MCTP1: variants seen among roughly 807,000 people sequenced by gnomAD.
The protein encoded by MCTP1 is multiple C2 and transmembrane domain containing 1, also known as multiple C2 and transmembrane domain-containing protein 1.
In MCTP1, 69 loss-of-function variants were observed where a neutral mutation model predicts 120.6. That is an observed-to-expected ratio of 0.57 (90% CI 0.47 to 0.70). The LOEUF is 0.70. Ranked by LOEUF, MCTP1 falls within the 30% of genes least tolerant of loss-of-function variation. The pLI, the probability that MCTP1 is intolerant of heterozygous loss-of-function variation, is 0.00. For synonymous variants in MCTP1, 529 were observed against 493.1 expected, an observed-to-expected ratio of 1.07 and a Z score of -0.96; for missense variants, 1,203 against 1,248.8, an observed-to-expected ratio of 0.96 and a Z score of 0.55.
At chr5:95,232,525 C>T (rs1755084504) in intron 1 of MCTP1, among the ~76,000 whole-genome samples, 1 of 148,348 alleles carries the variant, frequency 6.7e-6, no homozygotes, top group Non-Finnish European at 1.5e-5. Flanking sequence ...GTGGCCCCAT[C>T]TTGGCTCACT....
chr5:94,941,056 C>T (rs562709350), intron 4 of MCTP1, among the ~76,000 whole-genome samples: 1 of 151,908 alleles, frequency 6.6e-6, no homozygotes, highest in African/African-American at 2.4e-5. Flanking sequence ...TAAATAATCT[C>T]TTTTAATTTT....
intron 1 of MCTP1, among the ~76,000 whole-genome samples, chr5:95,073,806 G>T (rs539777111): frequency 3.9e-5 from 6 of 152,238 alleles, no homozygotes; most frequent in Middle Eastern, 3.4e-3. Context: ...TGGAGTGTGT[G>T]TTAGAATTAC....
intron 17 of MCTP1, chr5:94,867,579 G>A: frequency 4.7e-6 from 2 of 423,494 alleles, no homozygotes; most frequent in Non-Finnish European, 8.4e-6. Context: ...ATAAAATAAA[G>A]GATTTCAAAA....
At chr5:95,259,151 A>G (rs1758212195) in intron 1 of MCTP1, among the ~76,000 whole-genome samples, 1 of 152,190 alleles carries the variant, frequency 6.6e-6, no homozygotes, top group Non-Finnish European at 1.5e-5. Context: ...AATGTTGACT[A>G]CGCGTCAAGT....
Position 94,960,998 on chromosome 5 carries a change from G to A in MCTP1, c.839-7637C>T, listed in dbSNP as rs1393829284. ...GTATGTTTACTGCGGCACTCTTCAT[G>A]GTAGCAAAGACTTAGAACCAACCCA... On this transcript the variant is annotated intron_variant, in intron 2 of 22. Coordinates refer to ENST00000515393, the MANE Select transcript of MCTP1 (RefSeq NM_024717.7). 2.0e-5 allele frequency among the ~76,000 whole-genome samples: 3 copies of A among 152,104 alleles called. No homozygotes were observed. The East Asian group carries it at 5.8e-4, about 29-fold the overall frequency.
intron 13 of MCTP1, among the ~76,000 whole-genome samples, chr5:94,871,695 C>G (rs924470955): frequency 6.6e-6 from 1 of 152,054 alleles, no homozygotes; most frequent in Non-Finnish European, 1.5e-5. Flanking sequence ...TGAATGGGCA[C>G]AGAATAAGTT....
At chr5:94,945,796 T>C (rs1818761908) in intron 3 of MCTP1, among the ~76,000 whole-genome samples, 1 of 151,978 alleles carries the variant, frequency 6.6e-6, no homozygotes, top group Non-Finnish European at 1.5e-5. Context: ...ATGGGAAAAG[T>C]GTGTTTCATA....
intron 17 of MCTP1, among the ~76,000 whole-genome samples, chr5:94,813,463 T>A (rs1355046489): frequency 6.6e-6 from 1 of 152,132 alleles, no homozygotes; most frequent in Non-Finnish European, 1.5e-5. Flanking sequence ...TCTACTCCTA[T>A]CAAAGAAAAA....
At position 94,707,443 on chromosome 5, in the gene MCTP1, T is replaced by G. The variant is rs1754926101; in HGVS notation, c.*53A>C. 1 of 1,401,630 alleles carries G rather than the reference T, an allele frequency of 7.1e-7. No individual in the cohort carries two copies. Among genetic ancestry groups the G allele is most frequent in the Non-Finnish European group, 1.0e-6 (1 of 1,004,040 alleles). The allele number at this position is 1,401,630 out of a possible 1,614,324, so 86.8% of individuals were successfully genotyped here. ...AGGAAATGCTGCTGAGGCTGAGGGC[T>G]TTTTCTTTTATCTTCCCAAACAGAT... On this transcript the variant is annotated 3_prime_UTR_variant, in exon 23 of 23. Coordinates refer to ENST00000515393, the MANE Select transcript of MCTP1 (RefSeq NM_024717.7).
intron 19 of MCTP1, among the ~76,000 whole-genome samples, chr5:94,717,355 A>G (rs1372350040): frequency 6.6e-6 from 1 of 152,200 alleles, no homozygotes; most frequent in African/African-American, 2.4e-5. Flanking sequence ...TAAACTAGGT[A>G]TTGATGGAAC....
chr5:95,279,624 T>C (rs1201561191), intron 1 of MCTP1, among the ~76,000 whole-genome samples: 3 of 152,228 alleles, frequency 2.0e-5, no homozygotes, highest in African/African-American at 7.2e-5. Flanking sequence ...GAACACTTGC[T>C]ATAGTTTAAG....
At chr5:95,035,564 C>CA (rs1432821314) in intron 1 of MCTP1, among the ~76,000 whole-genome samples, 1 of 151,774 alleles carries the variant, frequency 6.6e-6, no homozygotes, top group African/African-American at 2.4e-5. Flanking sequence ...ACAGGAACTC[C>CA]AAAAATATGT....
chr5:94,956,009 C>T (rs926323969), intron 2 of MCTP1, among the ~76,000 whole-genome samples: 1 of 152,214 alleles, frequency 6.6e-6, no homozygotes, highest in Admixed American at 6.5e-5. Flanking sequence ...ACACCTCACA[C>T]AGGAGAGTTC....
chr5:95,051,634 AAATAT>A (rs1745928339), intron 1 of MCTP1, among the ~76,000 whole-genome samples: 1 of 152,218 alleles, frequency 6.6e-6, no homozygotes, highest in South Asian at 2.1e-4. Context: ...TTTTAAGTAG[AAATAT>A]AATAAAATAT....
At chr5:95,052,168 T>C (rs17339969) in intron 1 of MCTP1, among the ~76,000 whole-genome samples, 16,210 of 152,244 alleles carry the variant, frequency 0.11, 1,095 homozygotes, top group Non-Finnish European at 0.16. Context: ...AAGTCAGTCT[T>C]AGGAAGTTTT....
rs77597520 is a variant in MCTP1 at position 95,163,191 on chromosome 5, A to G, written c.720+120665T>C. Among the ~76,000 whole-genome samples, 346 of 152,288 alleles carry G rather than the reference A, an allele frequency of 2.3e-3. 3 individuals are homozygous for G. The East Asian group carries it at 0.023, about 10-fold the overall frequency. On this transcript the variant is annotated intron_variant, in intron 1 of 22. Transcript: ENST00000515393. ...TTTAGTATAGTGAAGGAAAGGTGTC[A>G]GAAAAGCCAGGGTTTGTGCCAGGGC...
At chr5:94,802,197 A>G (rs964671498) in intron 17 of MCTP1, among the ~76,000 whole-genome samples, 2 of 152,192 alleles carry the variant, frequency 1.3e-5, no homozygotes, top group Non-Finnish European at 2.9e-5. Context: ...TTGAAAAAAT[A>G]TATATTTTTA....
At chr5:94,966,470 G>T (rs1456326164) in intron 2 of MCTP1, among the ~76,000 whole-genome samples, 1 of 152,124 alleles carries the variant, frequency 6.6e-6, no homozygotes, top group East Asian at 1.9e-4. Flanking sequence ...ACCAAGAAGG[G>T]TTAATAACTT....
intron 1 of MCTP1, among the ~76,000 whole-genome samples, chr5:95,068,316 GAGAA>G (rs1751207698): frequency 2.0e-5 from 3 of 152,166 alleles, no homozygotes; most frequent in African/African-American, 7.2e-5. Context: ...AGAGGAGACA[GAGAA>G]AGAGAGTCAG....
Sources: allele counts gnomAD v4.1 joint callset (sites outside exome capture counted in the v4.1 genomes callset), GRCh38; gene constraint gnomAD v4.1.1; transcripts MANE v1.5; gene names NCBI Gene and HGNC (gene_info 2026-07-23, HGNC 2026-07-21).